The following SMOC2 variants were observed in gnomAD, a reference collection of about 807,000 sequenced individuals.
The protein encoded by SMOC2 is SPARC-related modular calcium-binding protein 2.
Under a neutral mutation model 61.4 loss-of-function variants are expected in SMOC2, and 39 were observed. The observed-to-expected ratio is 0.64, with a 90% CI of 0.49 to 0.83. The LOEUF (loss-of-function observed/expected upper bound fraction) is 0.83, where lower values mean the gene tolerates loss of function less well. Among genes scored for constraint, SMOC2 ranks in the 40% least tolerant of loss-of-function variants. The pLI, the probability that SMOC2 is intolerant of heterozygous loss-of-function variation, is 0.00. For missense variants in SMOC2, 556 were observed against 592.9 expected, an observed-to-expected ratio of 0.94 and a Z score of 0.65; for synonymous variants, 247 against 239.9, an observed-to-expected ratio of 1.03 and a Z score of -0.27.
At chr6:168,502,692 C>T (rs1032827919) in intron 1 of SMOC2, among the ~76,000 whole-genome samples, 5 of 152,044 alleles carry the variant, frequency 3.3e-5, no homozygotes, top group East Asian at 1.9e-4. Context: ...GAAAAGCTGA[C>T]GACCAGTGTC....
chr6:168,588,010 G>A (rs755853762), intron 7 of SMOC2, among the ~76,000 whole-genome samples: 2 of 150,968 alleles, frequency 1.3e-5, no homozygotes, highest in African/African-American at 4.9e-5. Flanking sequence ...ATTTGGTGTC[G>A]GGGTGAGGGG....
At chr6:168,460,437 TA>T (rs1382090091) in intron 1 of SMOC2, among the ~76,000 whole-genome samples, 10 of 152,330 alleles carry the variant, frequency 6.6e-5, no homozygotes, top group African/African-American at 2.2e-4. Context: ...AATGAGGACA[TA>T]AAACATTTTA....
chr6:168,617,712 A>G (rs755400886), intron 9 of SMOC2, among the ~76,000 whole-genome samples: 1 of 152,216 alleles, frequency 6.6e-6, no homozygotes, highest in Non-Finnish European at 1.5e-5. Flanking sequence ...TGGAAACCCC[A>G]GATCTGGCCT....
chr6:168,636,878 G>T (rs7741740), intron 9 of SMOC2, among the ~76,000 whole-genome samples: 1 of 49,128 alleles, frequency 2.0e-5, no homozygotes, highest in African/African-American at 8.5e-5. Context: ...CCCTCCTCCC[G>T]CCTCCCTCCT....
At chr6:168,558,094 T>G (rs1430818550) in intron 7 of SMOC2, among the ~76,000 whole-genome samples, 1 of 152,236 alleles carries the variant, frequency 6.6e-6, no homozygotes, top group Non-Finnish European at 1.5e-5. Flanking sequence ...GGCAAGGGAC[T>G]GGCTTCAGAA....
At chr6:168,490,497 C>T (rs1782450461) in intron 1 of SMOC2, among the ~76,000 whole-genome samples, 1 of 152,148 alleles carries the variant, frequency 6.6e-6, no homozygotes, top group Non-Finnish European at 1.5e-5. Context: ...GCCTGCACGC[C>T]CACCCATCTT....
At chr6:168,456,563 C>T (rs936080745) in intron 1 of SMOC2, among the ~76,000 whole-genome samples, 18 of 152,228 alleles carry the variant, frequency 1.2e-4, no homozygotes, top group East Asian at 3.9e-4. Context: ...GACTCTCCCA[C>T]GTGGAGCTTT....
At chr6:168,599,106 A>T (rs1258402546) in intron 8 of SMOC2, 102 bp downstream of exon 8, 2 of 1,045,916 alleles carry the variant, frequency 1.9e-6, no homozygotes, top group Non-Finnish European at 2.7e-6. Context: ...ACCGACACAC[A>T]GTCACACACA....
At chr6:168,618,136 T>TC (rs1424196929) in intron 9 of SMOC2, among the ~76,000 whole-genome samples, 3 of 152,262 alleles carry the variant, frequency 2.0e-5, no homozygotes, top group Non-Finnish European at 2.9e-5. Flanking sequence ...GGCCCAGTGC[T>TC]CCAACAGGAC....
At chr6:168,530,864 GTTC>G (rs1783583330) in intron 4 of SMOC2, among the ~76,000 whole-genome samples, 2 of 152,152 alleles carry the variant, frequency 1.3e-5, no homozygotes, top group Non-Finnish European at 2.9e-5. Context: ...CTGGGAGGGC[GTTC>G]CCAGCAGTGT....
intron 7 of SMOC2, among the ~76,000 whole-genome samples, chr6:168,564,747 G>A (rs1222133124): frequency 6.6e-6 from 1 of 152,204 alleles, no homozygotes; most frequent in Non-Finnish European, 1.5e-5. Context: ...CCAGTGTCAA[G>A]CCCATGACAG....
chr6:168,493,714 A>G (rs1326898363), intron 1 of SMOC2, among the ~76,000 whole-genome samples: 1 of 152,176 alleles, frequency 6.6e-6, no homozygotes, highest in Non-Finnish European at 1.5e-5. Flanking sequence ...TTAGCTTTTG[A>G]CAAACAAGTT....
intron 7 of SMOC2, among the ~76,000 whole-genome samples, chr6:168,579,005 A>G (rs1784868165): frequency 6.6e-6 from 1 of 152,220 alleles, no homozygotes. Flanking sequence ...CTGAGTGCCC[A>G]CCACCGACAG....
Position 168,544,723 on chromosome 6 carries a change from A to T in SMOC2, c.511+1051A>T, listed in dbSNP as rs1175828315. 1.3e-5 allele frequency among the ~76,000 whole-genome samples: 2 copies of T among 152,090 alleles called. No individual in the cohort carries two copies. Among genetic ancestry groups the T allele is most frequent in the Non-Finnish European group, 2.9e-5 (2 of 68,008 alleles). ...TAAAAATCGGAGTTTTATTCAACCA[A>T]TCCCTTCTGCATGTGTGGAAACTGT... On this transcript the variant is annotated intron_variant, in intron 5 of 12. Coordinates refer to ENST00000356284, the MANE Select transcript of SMOC2 (RefSeq NM_001166412.2). The surrounding 1 kb of genome is among the most constrained non-coding windows in gnomAD (Gnocchi z 4.1).
At chr6:168,629,742 A>C (rs148026448) in intron 9 of SMOC2, among the ~76,000 whole-genome samples, 1 of 152,114 alleles carries the variant, frequency 6.6e-6, no homozygotes, top group Non-Finnish European at 1.5e-5. Context: ...GAACAGATGA[A>C]TGTGTGTGGG....
At chr6:168,605,259 G>C (rs928289585) in intron 8 of SMOC2, among the ~76,000 whole-genome samples, 3 of 152,136 alleles carry the variant, frequency 2.0e-5, no homozygotes, top group African/African-American at 7.2e-5. Flanking sequence ...CTCTCAATGA[G>C]GTGTGTAGCC....
chr6:168,558,805 ATGTG>A (rs917077476), intron 7 of SMOC2, among the ~76,000 whole-genome samples: 4 of 67,080 alleles, frequency 6.0e-5, no homozygotes, highest in Admixed American at 1.3e-4. Context: ...GCGTGTGCGC[ATGTG>A]TGTGTGTGCG....
chr6:168,664,198 C>T (rs1787594651), intron 12 of SMOC2, 87 bp downstream of exon 12: 1 of 1,034,692 alleles, frequency 9.7e-7, no homozygotes, highest in South Asian at 1.3e-5. Flanking sequence ...TTGCAATGGC[C>T]AGTACCTTCC....
chr6:168,612,763 C>T (rs1480474110), intron 9 of SMOC2, among the ~76,000 whole-genome samples: 1 of 151,928 alleles, frequency 6.6e-6, no homozygotes, highest in African/African-American at 2.4e-5. Flanking sequence ...TGCAAGAGGC[C>T]ATCGGCACAA....
Sources: allele counts gnomAD v4.1 joint callset (sites outside exome capture counted in the v4.1 genomes callset), GRCh38; gene constraint gnomAD v4.1.1; non-coding constraint Gnocchi (gnomAD v3.1); transcripts MANE v1.5; gene names NCBI Gene and HGNC (gene_info 2026-07-23, HGNC 2026-07-21).